VPS35L: variants seen among roughly 807,000 people sequenced by gnomAD.
VPS35L encodes the protein VPS35 endosomal protein-sorting factor-like.
Under a neutral mutation model 133.0 loss-of-function variants are expected in VPS35L, and 83 were observed. The ratio of observed to expected loss-of-function variants is 0.62; its 90% CI spans 0.52 to 0.75. The LOEUF is 0.75. Among genes scored for constraint, VPS35L ranks in the 30% least tolerant of loss-of-function variants. VPS35L has a pLI of 0.00. For synonymous variants in VPS35L, 423 were observed against 449.9 expected, an observed-to-expected ratio of 0.94 and a Z score of 0.76; for missense variants, 1,083 against 1,206.8, an observed-to-expected ratio of 0.90 and a Z score of 1.52.
chr16:19,582,586 G>A (rs556807621), intron 7 of VPS35L, among the ~76,000 whole-genome samples: 2 of 152,250 alleles, frequency 1.3e-5, no homozygotes, highest in African/African-American at 4.8e-5. Flanking sequence ...AAATAGTCCC[G>A]AAGGCCAGGC....
chr16:19,603,697 G>A (rs746719047), intron 9 of VPS35L, among the ~76,000 whole-genome samples: 7 of 152,082 alleles, frequency 4.6e-5, no homozygotes, highest in South Asian at 2.1e-4. Context: ...GGCCTTCTCC[G>A]CTGGCTTGAG....
At chr16:19,570,834 C>CATACAT (rs1971340034) in intron 3 of VPS35L, among the ~76,000 whole-genome samples, 5 of 78,798 alleles carry the variant, frequency 6.3e-5, no homozygotes, top group Non-Finnish European at 1.4e-4. Context: ...TGCTGTGTTT[C>CATACAT]ATATATATAT....
chr16:19,561,031 G>A (rs1453021450), intron 1 of VPS35L, among the ~76,000 whole-genome samples: 1 of 152,010 alleles, frequency 6.6e-6, no homozygotes, highest in Non-Finnish European at 1.5e-5. Context: ...TATGACCCCA[G>A]AGGGACTAGG....
chr16:19,592,790 A>T (rs1444942230), intron 8 of VPS35L, among the ~76,000 whole-genome samples: 6 of 149,168 alleles, frequency 4.0e-5, no homozygotes, highest in Admixed American at 1.4e-4. Context: ...GGTTCAAGTG[A>T]TTCTCCTCCC....
intron 26 of VPS35L, among the ~76,000 whole-genome samples, chr16:19,666,983 T>TTCTTCCTTTCTTC (rs1567470725): frequency 2.0e-5 from 2 of 100,788 alleles, no homozygotes; most frequent in African/African-American, 9.8e-5. Context: ...TTCCTTTCTT[T>TTCTTCCTTTCTTC]CTTTCTTTCT....
intron 14 of VPS35L, among the ~76,000 whole-genome samples, chr16:19,619,693 T>C (rs1973015275): frequency 6.6e-6 from 1 of 152,194 alleles, no homozygotes; most frequent in Admixed American, 6.5e-5. Context: ...TAGGAAATCA[T>C]TATTGCACTA....
intron 24 of VPS35L, among the ~76,000 whole-genome samples, 156 bp from the exon 25 acceptor site, chr16:19,650,226 C>T (rs1974081093): frequency 6.6e-6 from 1 of 152,092 alleles, no homozygotes; most frequent in South Asian, 2.1e-4. Flanking sequence ...GCCTGATGAC[C>T]CCTTTGGCAT....
intron 26 of VPS35L, among the ~76,000 whole-genome samples, chr16:19,666,594 C>T (rs1054829903): frequency 2.6e-5 from 4 of 152,108 alleles, no homozygotes; most frequent in Admixed American, 1.3e-4. Flanking sequence ...AGAGTGGAAA[C>T]TGGGCGGGGT....
chr16:19,616,578 A>G (rs1465131936), intron 13 of VPS35L, 108 bp from the exon 14 acceptor site: 2 of 1,358,974 alleles, frequency 1.5e-6, no homozygotes, highest in Admixed American at 2.5e-5. Flanking sequence ...TATTTCTCTC[A>G]GGGCTGTCCA....
intron 22 of VPS35L, 36 bp from the exon 23 acceptor site, chr16:19,644,850 A>G: frequency 6.9e-7 from 1 of 1,443,962 alleles, no homozygotes; most frequent in African/African-American, 1.4e-5. Context: ...TTCATCTATT[A>G]CCTCCGTGTT....
At chr16:19,674,017 T>A (rs1974965650) in intron 27 of VPS35L, among the ~76,000 whole-genome samples, 1 of 152,032 alleles carries the variant, frequency 6.6e-6, no homozygotes, top group East Asian at 1.9e-4. Flanking sequence ...CATTAGTAAC[T>A]ACTCACAGAT....
In VPS35L at chr16:19,700,448, T is replaced by G; in HGVS notation, c.2864T>G (p.Leu955Arg). Reference sequence around the variant, plus strand: ...ATGACTCATCTGACGGAGCTGGCCCTCAGACTCCCTCTGCAAACAAGGACC... The same window carrying G: ...ATGACTCATCTGACGGAGCTGGCCCGCAGACTCCCTCTGCAAACAAGGACC... ...PDMTHLTELA[L>R]RLPLQTRT is the part of the protein sequence containing the mutation. Residue 955 changes from leucine to arginine, a missense_variant, in exon 31 of 31, where the codon CTC becomes CGC. Coordinates refer to ENST00000417362, the MANE Select transcript of VPS35L (RefSeq NM_020314.7). 6.2e-7 allele frequency: 1 copy of G among 1,614,186 alleles called. No individual in the cohort carries two copies. Among genetic ancestry groups the G allele is most frequent in the Non-Finnish European group, 8.5e-7 (1 of 1,180,010 alleles).
chr16:19,563,315 TA>T (rs900116765), intron 1 of VPS35L, among the ~76,000 whole-genome samples: 3,128 of 135,650 alleles, frequency 0.023, 88 homozygotes, highest in African/African-American at 0.069. Context: ...CAAAAAAACT[TA>T]AAAAAAAAAA....
intron 9 of VPS35L, among the ~76,000 whole-genome samples, chr16:19,604,644 A>AT (rs1461415460): frequency 1.3e-5 from 2 of 152,184 alleles, no homozygotes; most frequent in Non-Finnish European, 2.9e-5. Context: ...CTTAAGTATA[A>AT]TTATCATGAA....
rs930929987 is a variant in VPS35L at position 19,652,026 on chromosome 16, C to G, written c.2157C>G (p.Phe719Leu). ...FITIPSLAGI[F>L]TRLNLYLHSG... Reference sequence around the variant, plus strand: ...CCATCCCCTCCCTGGCGGGCATCTTCACACGTCTCAATCTCTACCTGCATT... The same window carrying G: ...CCATCCCCTCCCTGGCGGGCATCTTGACACGTCTCAATCTCTACCTGCATT... Residue 719 changes from phenylalanine (F) to leucine (L), a missense_variant, in exon 26 of 31, where the codon TTC (phenylalanine) becomes TTG (leucine). Coordinates refer to ENST00000417362, the MANE Select transcript of VPS35L (RefSeq NM_020314.7). The G allele has an allele frequency of 6.2e-7, 1 of 1,613,548 alleles. No individual in the cohort carries two copies.
intron 5 of VPS35L, 55 bp downstream of exon 5, chr16:19,575,177 T>C: frequency 6.5e-7 from 1 of 1,543,012 alleles, no homozygotes. Context: ...ACTTTTAGTA[T>C]AATTTTACAA....
rs1167815393 is a variant in VPS35L, at chr16:19,621,688, G to GA, written c.1225-4483dup. 3.9e-5 allele frequency among the ~76,000 whole-genome samples: 6 copies of GA among 152,284 alleles called. 1 individual carries two copies. In the East Asian group the frequency reaches 7.7e-4, roughly 20 times the overall value. ...ATCAATTCTGTCACTTCTTAGAGGG[G>GA]AAAAAATCAGTAACCTCCAGCAGAC... On this transcript the variant is annotated intron_variant, in intron 14 of 30. Transcript: ENST00000417362.
chr16:19,658,242 A>G (rs187262782), intron 26 of VPS35L, among the ~76,000 whole-genome samples: 349 of 152,332 alleles, frequency 2.3e-3, no homozygotes, highest in African/African-American at 7.3e-3. Context: ...AAGAGACTAC[A>G]GGCTGGGCTG....
Position 19,638,852 on chromosome 16 carries a change from C to G in VPS35L, c.1699-1163C>G, listed in dbSNP as rs556271551. Among the ~76,000 whole-genome samples, 6 of 152,268 alleles carry G rather than the reference C, an allele frequency of 3.9e-5. No individual in the cohort carries two copies. In the South Asian group the frequency reaches 8.3e-4, roughly 21 times the overall value. On this transcript the variant is annotated intron_variant, in intron 20 of 30. Transcript: ENST00000417362. Reference sequence around the variant, plus strand: ...GGGCTTAGTGGCTCACACCTGTAAACCCAGCACTTTCAGAGGCCAAGGCAG... The same window carrying G: ...GGGCTTAGTGGCTCACACCTGTAAAGCCAGCACTTTCAGAGGCCAAGGCAG...
Sources: gnomAD v4.1 joint callset for allele counts (sites outside exome capture counted in the v4.1 genomes callset) on GRCh38, gnomAD v4.1.1 for gene constraint, MANE v1.5 for transcripts, NCBI Gene and HGNC (gene_info 2026-07-23, HGNC 2026-07-21) for gene names.